The following GRAMD1B variants were observed in gnomAD, a reference collection of about 807,000 sequenced individuals.
GRAMD1B encodes GRAM domain containing 1B.
Under a neutral mutation model 99.7 loss-of-function variants are expected in GRAMD1B, and 37 were observed. That is an observed-to-expected ratio of 0.37 (90% confidence interval 0.29 to 0.49). The LOEUF (loss-of-function observed/expected upper bound fraction) is 0.49, where lower values mean the gene tolerates loss of function less well. Ranked by LOEUF, GRAMD1B falls within the 20% of genes least tolerant of loss-of-function variation. GRAMD1B has a pLI of 0.98. For missense variants in GRAMD1B, 888 were observed against 1,009.2 expected (o/e 0.88, Z 1.63); for synonymous variants, 427 against 387.6 (o/e 1.10, Z -1.19).
chr11:123,425,356 C>T (rs1191682600), upstream of GRAMD1B, among the ~76,000 whole-genome samples: 2 of 152,188 alleles, frequency 1.3e-5, no homozygotes, highest in South Asian at 4.1e-4. Flanking sequence ...GGGGCGACCT[C>T]AGAAAGTCTT....
At chr11:123,467,221 G>A (rs933352097) in intron 1 of GRAMD1B, among the ~76,000 whole-genome samples, 4 of 152,012 alleles carry the variant, frequency 2.6e-5, no homozygotes, top group African/African-American at 2.4e-5. Flanking sequence ...GGTGGCTTTC[G>A]CCTGTAATCC....
intron 1 of GRAMD1B, among the ~76,000 whole-genome samples, chr11:123,448,513 C>T (rs1949740355): frequency 6.6e-6 from 1 of 152,208 alleles, no homozygotes; most frequent in Non-Finnish European, 1.5e-5. Flanking sequence ...GCCAGCATGC[C>T]CAGCCTCCAC....
chr11:123,437,901 GT>G (rs1565499363), intron 1 of GRAMD1B, among the ~76,000 whole-genome samples: 1 of 152,122 alleles, frequency 6.6e-6, no homozygotes, highest in African/African-American at 2.4e-5. Context: ...CTCAGCCCCC[GT>G]CACTATTGGT....
At chr11:123,443,961 T>C (rs547997181) in intron 1 of GRAMD1B, among the ~76,000 whole-genome samples, 1 of 152,206 alleles carries the variant, frequency 6.6e-6, no homozygotes, top group South Asian at 2.1e-4. Flanking sequence ...GAAAAGAGTG[T>C]CTGGGTTAAG....
At chr11:123,444,473 C>T in intron 1 of GRAMD1B, among the ~76,000 whole-genome samples, 1 of 142,982 alleles carries the variant, frequency 7.0e-6, no homozygotes, top group Middle Eastern at 3.6e-3. Context: ...GCTTGGGCCT[C>T]AAAAAAAAAA....
chr11:123,441,627 G>GA (rs572552054), intron 1 of GRAMD1B, among the ~76,000 whole-genome samples: 33 of 148,528 alleles, frequency 2.2e-4, no homozygotes, highest in Non-Finnish European at 2.5e-4. Context: ...TATTATAAAA[G>GA]AAAAAAAAAG....
intron 1 of GRAMD1B, chr11:123,432,217 G>GT (rs1236161798): frequency 2.5e-6 from 1 of 392,408 alleles, no homozygotes; most frequent in African/African-American, 2.1e-5. Flanking sequence ...GATAGGTAGA[G>GT]TAAGGGGTTG....
chr11:123,493,594 G>T (rs1229009962), intron 2 of GRAMD1B, among the ~76,000 whole-genome samples: 1 of 152,192 alleles, frequency 6.6e-6, no homozygotes, highest in East Asian at 1.9e-4. Flanking sequence ...TTGTGTGGAC[G>T]GGCTTCCAGA....
At chr11:123,391,977 G>T (rs761550225) in intron 1 of GRAMD1B, among the ~76,000 whole-genome samples, 2 of 152,206 alleles carry the variant, frequency 1.3e-5, no homozygotes, top group African/African-American at 4.8e-5. Flanking sequence ...GGGTAGAGAG[G>T]TTATTACTTT....
chr11:123,582,434 G>C (rs1949460386), intron 3 of GRAMD1B, among the ~76,000 whole-genome samples: 1 of 152,238 alleles, frequency 6.6e-6, no homozygotes, highest in Non-Finnish European at 1.5e-5. Context: ...TGAGACCTCT[G>C]AATTGGAGGT....
At chr11:123,563,915 C>G (rs1027504195) in intron 2 of GRAMD1B, among the ~76,000 whole-genome samples, 15 of 152,294 alleles carry the variant, frequency 9.8e-5, no homozygotes, top group Admixed American at 7.2e-4. Flanking sequence ...CGGGACCGAC[C>G]TCTTACAGTT....
intron 1 of GRAMD1B, among the ~76,000 whole-genome samples, chr11:123,439,368 C>T (rs1293583778): frequency 6.6e-6 from 1 of 152,212 alleles, no homozygotes; most frequent in African/African-American, 2.4e-5. Context: ...AGGCAGCAAC[C>T]TCCTAAACAC....
chr11:123,538,634 T>TTTTA (rs1565345544), intron 2 of GRAMD1B, among the ~76,000 whole-genome samples: 3 of 151,838 alleles, frequency 2.0e-5, no homozygotes, highest in African/African-American at 7.3e-5. Context: ...ATTTTATTTT[T>TTTTA]TTTTGAGACA....
chr11:123,445,710 G>A (rs1949607064), intron 1 of GRAMD1B, among the ~76,000 whole-genome samples: 1 of 151,498 alleles, frequency 6.6e-6, no homozygotes, highest in Admixed American at 6.6e-5. Context: ...TCAGCTACTC[G>A]GGAGGCTGAG....
intron 2 of GRAMD1B, among the ~76,000 whole-genome samples, chr11:123,553,294 A>T (rs1306234835): frequency 6.8e-6 from 1 of 147,658 alleles, no homozygotes; most frequent in Non-Finnish European, 1.5e-5. Context: ...TAAGATTAAA[A>T]GAAAATTGGA....
At chr11:123,600,325 G>A in intron 7 of GRAMD1B, 143 bp from the exon 8 acceptor site, 1 of 577,372 alleles carries the variant, frequency 1.7e-6, no homozygotes, top group Non-Finnish European at 3.1e-6. Flanking sequence ...CACTAAAGCG[G>A]ATGTACGTGA....
rs373203630 is a variant in GRAMD1B, at chr11:123,600,482, G to A, written c.984G>A (p.Ser328=). The change falls in exon 8 of 20, where the codon TCG becomes TCA. Residue 328 remains serine (S), a synonymous_variant. Transcript: ENST00000635736. ...TTCCAATCTAGCACTTCTTCACTTC[G>A]TTTGGGGCCCGGGATAGGACATATA... ...CTDSEKHFFT[S]FGARDRTYMM... is the part of the protein sequence containing the mutation. 6 of 1,608,286 alleles carry A rather than the reference G, an allele frequency of 3.7e-6. No homozygotes were observed. Among genetic ancestry groups the A allele is most frequent in the South Asian group, 2.2e-5 (2 of 90,534 alleles).
intron 2 of GRAMD1B, among the ~76,000 whole-genome samples, chr11:123,512,235 G>A (rs1401341928): frequency 2.0e-5 from 3 of 152,202 alleles, no homozygotes; most frequent in African/African-American, 4.8e-5. Context: ...TCTCTGGTGG[G>A]AACGCTGCTG....
intron 1 of GRAMD1B, 182 bp from the exon 2 acceptor site, chr11:123,480,634 C>A: frequency 2.6e-6 from 1 of 381,562 alleles, no homozygotes. Context: ...GGGATTTTAT[C>A]AGCCTTGTGT....
Sources: gnomAD v4.1 joint callset for allele counts (sites outside exome capture counted in the v4.1 genomes callset) on GRCh38, gnomAD v4.1.1 for gene constraint, MANE v1.5 for transcripts, NCBI Gene and HGNC (gene_info 2026-07-23, HGNC 2026-07-21) for gene names.